DNAJC7: variants seen among roughly 807,000 people sequenced by gnomAD.
DNAJC7 encodes the protein DnaJ heat shock protein family (Hsp40) member C7.
Under a neutral mutation model 67.4 loss-of-function variants are expected in DNAJC7, and 18 were observed. The observed-to-expected ratio is 0.27, with a 90% confidence interval of 0.18 to 0.40. The LOEUF (loss-of-function observed/expected upper bound fraction) is 0.40. DNAJC7 is among the 10% of genes least tolerant of loss of function. The pLI is 1.00. For synonymous variants in DNAJC7, 220 were observed against 207.8 expected (o/e 1.06, Z -0.50); for missense variants, 419 against 613.8 (o/e 0.68, Z 3.35).
chr17:41,989,921 T>C (rs1555647473), intron 6 of DNAJC7, among the ~76,000 whole-genome samples: 1 of 152,224 alleles, frequency 6.6e-6, no homozygotes, highest in Admixed American at 6.5e-5. Context: ...GTTGAGTTAG[T>C]TGCAACAGAG....
In DNAJC7 at chr17:41,995,422, A is replaced by T. The variant is rs549725298; in HGVS notation, c.406-478T>A. On this transcript the variant is annotated intron_variant, in intron 4 of 13. Coordinates refer to ENST00000457167, the MANE Select transcript of DNAJC7 (RefSeq NM_003315.4). ...TGTTTTGAGATTCTCACTGAAATGC[A>T]TCTAGGGTAAACTGTATATACAGTC... Among the ~76,000 whole-genome samples, 14 of 152,352 alleles carry T rather than the reference A, an allele frequency of 9.2e-5. 1 individual carries two copies. Among genetic ancestry groups the T allele is most frequent in the African/African-American group, 3.4e-4 (14 of 41,594 alleles).
intron 2 of DNAJC7, 65 bp from the exon 3 acceptor site, chr17:41,997,304 G>A: frequency 6.4e-7 from 1 of 1,562,686 alleles, no homozygotes; most frequent in Admixed American, 1.9e-5. Flanking sequence ...AAAACTTAGA[G>A]GGGGCTGGGC....
chr17:41,996,483 ACAG>A, intron 3 of DNAJC7, 59 bp from the exon 4 acceptor site: 1 of 1,480,632 alleles, frequency 6.8e-7, no homozygotes, highest in Non-Finnish European at 9.3e-7. Context: ...AAAGAAATCA[ACAG>A]CAGCAACAGA....
At chr17:41,997,060 A>G (rs2051680418) in intron 3 of DNAJC7, 55 bp downstream of exon 3, 3 of 1,611,042 alleles carry the variant, frequency 1.9e-6, no homozygotes, top group East Asian at 4.5e-5. Context: ...ACGGGGCTAG[A>G]GAAACTCAAC....
intron 12 of DNAJC7, 108 bp downstream of exon 12, chr17:41,981,747 C>T: frequency 6.9e-7 from 1 of 1,445,822 alleles, no homozygotes; most frequent in Non-Finnish European, 9.4e-7. Context: ...CTGTTTGGAC[C>T]AGGGATCAGA....
chr17:41,988,972 A>AT (rs1233828517), intron 7 of DNAJC7, 76 bp from the exon 8 acceptor site: 4 of 1,536,544 alleles, frequency 2.6e-6, no homozygotes, highest in Non-Finnish European at 3.5e-6. Flanking sequence ...GCCAGACTCT[A>AT]TTTTCAAGTT....
At chr17:41,998,100 T>G (rs2051709179) in intron 2 of DNAJC7, among the ~76,000 whole-genome samples, 1 of 151,850 alleles carries the variant, frequency 6.6e-6, no homozygotes, top group East Asian at 1.9e-4. Flanking sequence ...TGGCCTCAAG[T>G]GATCCATCTG....
At chr17:41,979,291 A>C (rs954016028) in intron 12 of DNAJC7, among the ~76,000 whole-genome samples, 9 of 151,422 alleles carry the variant, frequency 5.9e-5, no homozygotes, top group African/African-American at 2.2e-4. Context: ...GTGAGCTGAG[A>C]CTGCACCACT....
intron 1 of DNAJC7, among the ~76,000 whole-genome samples, chr17:42,008,526 C>A (rs2052033085): frequency 6.6e-6 from 1 of 151,680 alleles, no homozygotes; most frequent in South Asian, 2.1e-4. Context: ...TCTCCTGCCT[C>A]AGCCTCCCAA....
chr17:42,015,223 ACCTG>A (rs2052234614), intron 1 of DNAJC7: 1 of 151,316 alleles, frequency 6.6e-6, no homozygotes. Flanking sequence ...CAGCTGACCC[ACCTG>A]CCTCGGCCTC....
At chr17:42,007,338 A>C (rs557575982) in intron 1 of DNAJC7, among the ~76,000 whole-genome samples, 1 of 152,148 alleles carries the variant, frequency 6.6e-6, no homozygotes, top group Admixed American at 6.6e-5. Flanking sequence ...GATCTTGGCC[A>C]GTCAGAGTAG....
intron 2 of DNAJC7, 113 bp from the exon 3 acceptor site, chr17:41,997,352 G>T: frequency 7.3e-7 from 1 of 1,367,236 alleles, no homozygotes; most frequent in Non-Finnish European, 9.8e-7. Flanking sequence ...ACTTTGGGAG[G>T]CCAAGAGGGG....
At chr17:42,001,436 T>C (rs1475772878) in intron 1 of DNAJC7, among the ~76,000 whole-genome samples, 1 of 152,222 alleles carries the variant, frequency 6.6e-6, no homozygotes, top group African/African-American at 2.4e-5. Flanking sequence ...AATTGGGAAT[T>C]AGATTCCCGA....
chr17:41,989,880 T>C lies in DNAJC7; in HGVS notation c.600-323A>G, dbSNP rs535664427. 3.3e-5 allele frequency among the ~76,000 whole-genome samples: 5 copies of C among 152,348 alleles called. 1 individual carries two copies. In the South Asian group the frequency reaches 1.0e-3, roughly 32 times the overall value. On this transcript the variant is annotated intron_variant, in intron 6 of 13. Coordinates refer to ENST00000457167, the MANE Select transcript of DNAJC7 (RefSeq NM_003315.4). The stretch of plus-strand genomic sequence containing the variant: ...GCCACACCCATTGGTTCATCTATTA[T>C]CTAGGGCAACCTTTGCACTGCAATG...
At chr17:41,996,834 C>G (rs1220970268) in intron 3 of DNAJC7, among the ~76,000 whole-genome samples, 1 of 152,164 alleles carries the variant, frequency 6.6e-6, no homozygotes, top group Admixed American at 6.5e-5. Context: ...AAAATGACTA[C>G]AGCAGTAGTT....
chr17:41,987,056 T>A (rs1555646981), intron 9 of DNAJC7, among the ~76,000 whole-genome samples: 3 of 152,184 alleles, frequency 2.0e-5, no homozygotes, highest in Non-Finnish European at 4.4e-5. Flanking sequence ...GAGAATAATC[T>A]GAAATCAGAA....
intron 5 of DNAJC7, among the ~76,000 whole-genome samples, chr17:41,992,327 C>T (rs2051530239): frequency 6.6e-6 from 1 of 152,072 alleles, no homozygotes; most frequent in Non-Finnish European, 1.5e-5. Flanking sequence ...CATGCGCCAC[C>T]AGGCCTGGCT....
chr17:41,976,447 A>C lies in DNAJC7; in HGVS notation c.*286T>G. On this transcript the variant is annotated 3_prime_UTR_variant, in exon 14 of 14. Transcript: ENST00000457167. The stretch of plus-strand genomic sequence containing the variant: ...CAGAGCAAAGGGCCAGGAAGGGTCA[A>C]AACATTTTATTCTCTTTTTTTTTTC... 2.6e-6 allele frequency: 1 copy of C among 381,000 alleles called. No homozygotes were observed. The highest frequency in any genetic ancestry group is 4.6e-6 in the Non-Finnish European group (1 of 217,340). 23.6% of individuals were successfully genotyped at this position (381,000 alleles called of 1,614,324 possible).
At chr17:41,978,831 G>T (rs2143089653) in intron 12 of DNAJC7, among the ~76,000 whole-genome samples, 1 of 152,358 alleles carries the variant, frequency 6.6e-6, no homozygotes, top group East Asian at 1.9e-4. Flanking sequence ...AGTGAGCAGA[G>T]ATCGCGCCAC....
Sources: allele counts gnomAD v4.1 joint callset (sites outside exome capture counted in the v4.1 genomes callset), GRCh38; gene constraint gnomAD v4.1.1; transcripts MANE v1.5; gene names NCBI Gene and HGNC (gene_info 2026-07-23, HGNC 2026-07-21).